The following TRDN variants were observed in gnomAD, a reference collection of about 807,000 sequenced individuals.
TRDN encodes triadin, also known as triadin in skeletal muscle.
A neutral mutation model predicts 149.7 loss-of-function variants in TRDN; 161 were observed. The observed-to-expected ratio is 1.08, with a 90% CI of 0.95 to 1.23. The LOEUF (loss-of-function observed/expected upper bound fraction) is 1.23, where lower values mean the gene tolerates loss of function less well. Ranked by LOEUF, TRDN falls within the 50% of genes most tolerant of loss-of-function variation. The probability of loss-of-function intolerance (pLI) is 0.00; values close to 1 mark genes in which losing one functional copy is unlikely to be tolerated. For synonymous variants in TRDN, 294 were observed against 250.5 expected (o/e 1.17, Z -1.64); for missense variants, 896 against 823.5 (o/e 1.09, Z -1.08).
intron 22 of TRDN, among the ~76,000 whole-genome samples, chr6:123,333,245 C>T (rs564128390): frequency 3.6e-4 from 54 of 152,010 alleles, no homozygotes; most frequent in African/African-American, 1.2e-3. Context: ...GAGTGCAATG[C>T]TTCGAGTCTC....
At chr6:123,500,741 C>T (rs1778662219) in intron 8 of TRDN, among the ~76,000 whole-genome samples, 1 of 152,110 alleles carries the variant, frequency 6.6e-6, no homozygotes. Flanking sequence ...AGGGAAAATA[C>T]ATTCTGGGTG....
At chr6:123,489,386 A>G (rs1310950086) in intron 9 of TRDN, 1 of 152,046 alleles carries the variant, frequency 6.6e-6, no homozygotes, top group Non-Finnish European at 1.5e-5. Context: ...TATTTTTCCC[A>G]TTGGTTCTCA....
At chr6:123,442,386 A>C (rs1774957962) in intron 10 of TRDN, 1 of 121,372 alleles carries the variant, frequency 8.2e-6, no homozygotes, top group Non-Finnish European at 1.7e-5. Flanking sequence ...TACTAAAAAT[A>C]CAAAAAAAAA....
intron 12 of TRDN, among the ~76,000 whole-genome samples, chr6:123,409,257 G>C (rs374616867): frequency 2.6e-5 from 4 of 152,282 alleles, no homozygotes; most frequent in Admixed American, 6.5e-5. Flanking sequence ...AATATTTACA[G>C]TTTACAAGGC....
chr6:123,382,144 G>A lies in TRDN; in HGVS notation c.1139C>T (p.Ser380Phe). 1 of 1,497,086 alleles carries A rather than the reference G, an allele frequency of 6.7e-7. No individual in the cohort carries two copies. 92.7% of individuals were successfully genotyped at this position (1,497,086 alleles called of 1,614,324 possible). A position where few individuals can be genotyped will look rare whatever the true frequency, so the allele number is the denominator to read the frequency against. Residue 380 changes from serine (S) to phenylalanine (F), a missense_variant, in exon 15 of 41, where the codon TCC becomes TTC. Physicochemically the swap from Ser to Phe is radical, Grantham distance 155 (BLOSUM62 -2). Transcript: ENST00000334268. The part of the protein sequence containing the change: ...AAKKDEKKED[S>F]KKTKKPAEVE... ...TTCTGCAGGTTTTTTTGTTTTCTTG[G>A]AATCTGAAAACACAAAGATAAATTA...
intron 5 of TRDN, among the ~76,000 whole-genome samples, chr6:123,520,153 T>C (rs1779605085): frequency 6.6e-6 from 1 of 152,248 alleles, no homozygotes; most frequent in South Asian, 2.1e-4. Flanking sequence ...TAAGGCAAGA[T>C]GATCTCTATG....
chr6:123,491,716 G>C lies in TRDN; in HGVS notation c.853+5477C>G, dbSNP rs539704049. Among the ~76,000 whole-genome samples, 136 of 152,274 alleles carry C rather than the reference G, an allele frequency of 8.9e-4. 1 individual carries two copies. Among genetic ancestry groups the C allele is most frequent in the Non-Finnish European group, 1.7e-3 (114 of 68,010 alleles). On this transcript the variant is annotated intron_variant, in intron 9 of 40. Coordinates refer to ENST00000334268, the MANE Select transcript of TRDN (RefSeq NM_006073.4). ...CTTTTCTGGACCACCAGCTTGCTGA[G>C]AGGATTCAACAACTACTTACTGAAT... is the stretch of plus-strand genomic sequence containing the variant.
At chr6:123,358,367 C>T (rs1397713069) in intron 20 of TRDN, among the ~76,000 whole-genome samples, 3 of 152,102 alleles carry the variant, frequency 2.0e-5, no homozygotes, top group African/African-American at 4.8e-5. Flanking sequence ...CTACAATTTT[C>T]CTTCAGCACC....
Position 123,570,953 on chromosome 6 carries a change from A to G in TRDN, c.202T>C (p.Phe68Leu). The G allele has an allele frequency of 6.2e-7, 1 of 1,613,976 alleles. No individual in the cohort carries two copies. Among genetic ancestry groups the G allele is most frequent in the Non-Finnish European group, 8.5e-7 (1 of 1,179,858 alleles). The change falls in exon 2 of 41, where the codon TTT becomes CTT. Residue 68 changes from phenylalanine to leucine, a missense_variant. Physicochemically the swap from Phe to Leu is conservative, Grantham distance 22. Coordinates refer to ENST00000334268, the MANE Select transcript of TRDN (RefSeq NM_006073.4). The stretch of plus-strand genomic sequence containing the variant: ...AAGTTTTTGTAATCCACTAAATCAA[A>G]CATAACGATGGCAACAGCTGACCAC... ...ITWSAVAIVM[F>L]DLVDYKNFSA...
At chr6:123,479,090 ACT>A (rs1716931145) in intron 9 of TRDN, among the ~76,000 whole-genome samples, 1 of 151,970 alleles carries the variant, frequency 6.6e-6, no homozygotes, top group African/African-American at 2.4e-5. Context: ...TCTAAATGTC[ACT>A]CTGTTTTACT....
At chr6:123,599,081 G>C (rs1583305728) in intron 1 of TRDN, among the ~76,000 whole-genome samples, 1 of 152,144 alleles carries the variant, frequency 6.6e-6, no homozygotes, top group Admixed American at 6.6e-5. Context: ...TTAGCAATAT[G>C]TCAGGCACAA....
chr6:123,425,437 A>G (rs567076491), intron 12 of TRDN, among the ~76,000 whole-genome samples: 7 of 152,100 alleles, frequency 4.6e-5, no homozygotes, highest in African/African-American at 1.4e-4. Flanking sequence ...TACATTTGAG[A>G]GTCATTATTA....
intron 5 of TRDN, among the ~76,000 whole-genome samples, chr6:123,524,610 A>G (rs532699418): frequency 1.3e-5 from 2 of 152,272 alleles, no homozygotes; most frequent in African/African-American, 4.8e-5. Flanking sequence ...CTCTTCACAT[A>G]TAGTAAGAAA....
At chr6:123,624,002 C>G (rs1261089984) in intron 1 of TRDN, among the ~76,000 whole-genome samples, 1 of 152,098 alleles carries the variant, frequency 6.6e-6, no homozygotes, top group Non-Finnish European at 1.5e-5. Flanking sequence ...TTTGAACTGG[C>G]AGCCCAGTGT....
intron 1 of TRDN, among the ~76,000 whole-genome samples, chr6:123,581,180 AT>A (rs1783102539): frequency 6.6e-6 from 1 of 152,126 alleles, no homozygotes. Context: ...ATCTGTATTT[AT>A]TTTTTTAAAA....
At chr6:123,503,446 C>T in intron 8 of TRDN, 2 of 985,166 alleles carry the variant, frequency 2.0e-6, no homozygotes, top group South Asian at 9.4e-5. Flanking sequence ...AACATTTATC[C>T]CCAATCTTTA....
chr6:123,483,269 A>AT (rs1253779304), intron 9 of TRDN, among the ~76,000 whole-genome samples: 1 of 151,140 alleles, frequency 6.6e-6, no homozygotes, highest in Non-Finnish European at 1.5e-5. Context: ...TGCCAGGCTA[A>AT]TTTTTTGTAT....
At chr6:123,333,566 T>C (rs955320778) in intron 22 of TRDN, among the ~76,000 whole-genome samples, 4 of 152,100 alleles carry the variant, frequency 2.6e-5, no homozygotes, top group African/African-American at 7.2e-5. Flanking sequence ...CTACAGATCA[T>C]TGATTCTCAG....
chr6:123,533,104 G>C (rs562113965), intron 4 of TRDN, among the ~76,000 whole-genome samples: 47 of 152,252 alleles, frequency 3.1e-4, no homozygotes, highest in Middle Eastern at 3.4e-3. Context: ...TTGCCTTTAA[G>C]AGATCATTCC....
Sources: allele counts gnomAD v4.1 joint callset (sites outside exome capture counted in the v4.1 genomes callset), GRCh38; gene constraint gnomAD v4.1.1; transcripts MANE v1.5; gene names NCBI Gene and HGNC (gene_info 2026-07-23, HGNC 2026-07-21).